NCKAP1L: variants seen among roughly 807,000 people sequenced by gnomAD.
NCKAP1L encodes NCK associated protein 1 like.
NCKAP1L carries 53 observed loss-of-function variants against 139.2 expected under a neutral mutation model. That is an observed-to-expected ratio of 0.38 (90% CI 0.31 to 0.48). The LOEUF (loss-of-function observed/expected upper bound fraction) is 0.48, where lower values mean the gene tolerates loss of function less well. NCKAP1L is among the 20% of genes least tolerant of loss of function. The probability of loss-of-function intolerance (pLI) is 0.98; values close to 1 mark genes in which losing one functional copy is unlikely to be tolerated. For missense variants in NCKAP1L, 1,151 were observed against 1,381.9 expected (o/e 0.83, Z 2.65); for synonymous variants, 468 against 499.7 (o/e 0.94, Z 0.85).
Position 54,518,695 on chromosome 12 carries a change from A to T in NCKAP1L, c.1383A>T (p.Ser461=). 1 of 1,614,050 alleles carries T rather than the reference A, an allele frequency of 6.2e-7. No individual in the cohort carries two copies. ...AGGAGGAGTCCATCATCATGTCCTC[A>T]TTCGTCAGTATCCTCTCCTCTCTGA... is the stretch of plus-strand genomic sequence containing the variant. ...CPEEESIIMS[S]FVSILSSLNL... is the part of the protein sequence containing the mutation. The change falls in exon 14 of 31, where the codon TCA becomes TCT. Residue 461 remains serine, a synonymous_variant. Coordinates refer to ENST00000293373, the MANE Select transcript of NCKAP1L (RefSeq NM_005337.5).
At chr12:54,500,862 A>G (rs1435057051) in intron 3 of NCKAP1L, 4 of 335,216 alleles carry the variant, frequency 1.2e-5, no homozygotes, top group Non-Finnish European at 2.2e-5. Flanking sequence ...ATATCTAGGA[A>G]AGATCTGGAC....
rs763680908 is a variant in NCKAP1L at position 54,536,246 on chromosome 12, G to GTAA, written c.3073+2_3073+4dup. On this transcript the variant is annotated splice_donor_variant, in intron 28 of 30. Transcript: ENST00000293373. LOFTEE classifies it high-confidence loss of function. ...TCCTTTTATAGCATTGAGAAGGATG[G>GTAA]TAAGTAAGGGGTAGGTTTGAGACAC... 6.3e-7 allele frequency: 1 copy of GTAA among 1,595,578 alleles called. No homozygotes were observed. The highest frequency in any genetic ancestry group is 1.1e-5 in the South Asian group (1 of 90,708).
chr12:54,515,439 G>A (rs1170594717), intron 9 of NCKAP1L, among the ~76,000 whole-genome samples: 1 of 152,158 alleles, frequency 6.6e-6, no homozygotes, highest in Non-Finnish European at 1.5e-5. Flanking sequence ...AAAGAGATGT[G>A]GTTAGGAGAA....
intron 21 of NCKAP1L, among the ~76,000 whole-genome samples, chr12:54,527,101 T>C (rs1957032722): frequency 6.6e-6 from 1 of 152,214 alleles, no homozygotes; most frequent in African/African-American, 2.4e-5. Flanking sequence ...TTTTTGCCCT[T>C]ACTTCTCCTT....
At chr12:54,522,206 G>T (rs1956989356) in intron 18 of NCKAP1L, among the ~76,000 whole-genome samples, 1 of 152,152 alleles carries the variant, frequency 6.6e-6, no homozygotes, top group African/African-American at 2.4e-5. Flanking sequence ...ATGTTTGAAA[G>T]AAATTTAAAT....
In NCKAP1L at chr12:54,500,526, C is replaced by T. The variant is rs769249820; in HGVS notation, c.214-7C>T. The T allele has an allele frequency of 4.4e-6, 7 of 1,597,632 alleles. No homozygotes were observed. The highest frequency in any genetic ancestry group is 2.2e-5 in the South Asian group (2 of 90,680). On this transcript the variant is annotated splice_polypyrimidine_tract_variant and splice_region_variant and intron_variant, in intron 2 of 30. Coordinates refer to ENST00000293373, the MANE Select transcript of NCKAP1L (RefSeq NM_005337.5). ...TTTTTTATTGTTTTGTTTTGTGTTTCTCTCAGCAACATTTAGGACCAGTAC... is the reference window on the plus strand; with the variant it reads ...TTTTTTATTGTTTTGTTTTGTGTTTTTCTCAGCAACATTTAGGACCAGTAC...
Position 54,544,088 on chromosome 12 carries a change from A to C in NCKAP1L, c.*1403A>C, listed in dbSNP as rs1480994301. ...TCTTAACTTGGCACCCATAATCAACATACAGATTTTTCTTAGCAACAGTTG... is the reference window on the plus strand; with the variant it reads ...TCTTAACTTGGCACCCATAATCAACCTACAGATTTTTCTTAGCAACAGTTG... On this transcript the variant is annotated 3_prime_UTR_variant, in exon 31 of 31. Coordinates refer to ENST00000293373, the MANE Select transcript of NCKAP1L (RefSeq NM_005337.5). The C allele has an allele frequency of 7.9e-5, 12 of 152,186 alleles. No homozygotes were observed. The highest frequency in any genetic ancestry group is 2.9e-4 in the African/African-American group (12 of 41,438). 9.4% of individuals were successfully genotyped at this position (152,186 alleles called of 1,614,324 possible). A position where few individuals can be genotyped will look rare whatever the true frequency, so the allele number is the denominator to read the frequency against.
intron 16 of NCKAP1L, 125 bp from the exon 17 acceptor site, chr12:54,520,569 T>C (rs754195657): frequency 7.5e-5 from 70 of 939,040 alleles, no homozygotes; most frequent in Non-Finnish European, 1.1e-4. Context: ...TTTGAAAGAA[T>C]GAATATCCTC....
At chr12:54,533,846 A>G (rs1282551360) in intron 26 of NCKAP1L, among the ~76,000 whole-genome samples, 1 of 152,258 alleles carries the variant, frequency 6.6e-6, no homozygotes, top group East Asian at 1.9e-4. Flanking sequence ...CTGGGATTAC[A>G]GGCATGAGCC....
intron 20 of NCKAP1L, among the ~76,000 whole-genome samples, chr12:54,524,893 C>G (rs1368282097): frequency 6.6e-6 from 1 of 152,008 alleles, no homozygotes; most frequent in Non-Finnish European, 1.5e-5. Flanking sequence ...CCAGGAAAGG[C>G]CTCTTTGAGA....
chr12:54,518,320 C>T (rs192813542), intron 13 of NCKAP1L, among the ~76,000 whole-genome samples: 82 of 151,068 alleles, frequency 5.4e-4, no homozygotes, highest in African/African-American at 1.8e-3. Context: ...CCAGCTTGGG[C>T]GACAGAGCGA....
In NCKAP1L at chr12:54,536,132, C is replaced by A. The variant is rs753704557; in HGVS notation, c.2960C>A (p.Thr987Asn). 1 of 1,609,086 alleles carries A rather than the reference C, an allele frequency of 6.2e-7. No individual in the cohort carries two copies. ...VAAIANLKADTSSPEEEYKVA... is the reference protein window; with the variant it reads ...VAAIANLKADNSSPEEEYKVA... Reference sequence around the variant, plus strand: ...TTTCCTTTTTCCCTCTCACCAGATACTTCATCTCCTGAGGAGGAATATAAG... The same window carrying A: ...TTTCCTTTTTCCCTCTCACCAGATAATTCATCTCCTGAGGAGGAATATAAG... Residue 987 changes from threonine (T) to asparagine (N), a missense_variant, in exon 28 of 31, where the codon ACT becomes AAT. By Grantham distance (65) the Thr-to-Asn change is moderately conservative (BLOSUM62 0). Transcript: ENST00000293373.
chr12:54,499,365 A>AC lies in NCKAP1L; in HGVS notation c.117dup (p.Lys40GlnfsTer3). On this transcript the variant is annotated frameshift_variant, in exon 2 of 31. Coordinates refer to ENST00000293373, the MANE Select transcript of NCKAP1L (RefSeq NM_005337.5). LOFTEE classifies it high-confidence loss of function. ...GGTTTCTCTCTGCAGACTTGTTCAGACCCCAAATCTAAGCCACCTTTCTTA... is the reference window on the plus strand; with the variant it reads ...GGTTTCTCTCTGCAGACTTGTTCAGACCCCCAAATCTAAGCCACCTTTCTTA... The AC allele has an allele frequency of 1.3e-6, 2 of 1,594,980 alleles. No homozygotes were observed. The highest frequency in any genetic ancestry group is 1.7e-6 in the Non-Finnish European group (2 of 1,162,690).
chr12:54,518,789 C>T (rs775735355), intron 14 of NCKAP1L, 57 bp downstream of exon 14: 100 of 1,538,792 alleles, frequency 6.5e-5, no homozygotes, highest in South Asian at 5.9e-4. Flanking sequence ...ATCTTTTATC[C>T]GGAAATATTG....
intron 4 of NCKAP1L, 57 bp from the exon 5 acceptor site, chr12:54,508,332 G>A: frequency 1.3e-6 from 2 of 1,574,288 alleles, no homozygotes; most frequent in Non-Finnish European, 1.7e-6. Context: ...GGGGAAAGAA[G>A]GAGATCCAGG....
At chr12:54,508,314 G>C in intron 4 of NCKAP1L, 75 bp from the exon 5 acceptor site, 1 of 1,413,362 alleles carries the variant, frequency 7.1e-7, no homozygotes. Context: ...GCACTGTCCA[G>C]AGTGGTTGGG....
chr12:54,505,450 T>C (rs996262542), intron 3 of NCKAP1L, among the ~76,000 whole-genome samples: 1 of 151,872 alleles, frequency 6.6e-6, no homozygotes, highest in African/African-American at 2.4e-5. Context: ...GTGCCTTTTT[T>C]TTTTTTTTTT....
Position 54,517,103 on chromosome 12 carries a change from T to C in NCKAP1L, c.1095+111T>C, listed in dbSNP as rs1956939454. On this transcript the variant is annotated intron_variant, in intron 11 of 30. Transcript: ENST00000293373. ...CTGAGTCTTTTGTCATTCATTTGTA[T>C]GTATATATGCGATTCCCTTGAACAT... The C allele has an allele frequency of 1.5e-5, 13 of 854,754 alleles. No individual in the cohort carries two copies. The South Asian group carries it at 1.6e-4, about 11-fold the overall frequency. 52.9% of individuals were successfully genotyped at this position (854,754 alleles called of 1,614,324 possible). A position where few individuals can be genotyped will look rare whatever the true frequency, so the allele number is the denominator to read the frequency against.
In NCKAP1L at chr12:54,547,593, T is replaced by A. The variant is rs1482791334; in HGVS notation, c.*4908T>A. 1 of 151,888 alleles carries A rather than the reference T, an allele frequency of 6.6e-6. No homozygotes were observed. Among genetic ancestry groups the A allele is most frequent in the Non-Finnish European group, 1.5e-5 (1 of 67,994 alleles). 9.4% of individuals were successfully genotyped at this position (151,888 alleles called of 1,614,324 possible). ...CTTGGGAGAGCAGGATGTGACACTGTGTTAACAAGAAATGTTGAGAGAGCC... is the reference window on the plus strand; with the variant it reads ...CTTGGGAGAGCAGGATGTGACACTGAGTTAACAAGAAATGTTGAGAGAGCC... On this transcript the variant is annotated 3_prime_UTR_variant, in exon 31 of 31. Coordinates refer to ENST00000293373, the MANE Select transcript of NCKAP1L (RefSeq NM_005337.5).
Sources: allele counts gnomAD v4.1 joint callset (sites outside exome capture counted in the v4.1 genomes callset), GRCh38; gene constraint gnomAD v4.1.1; transcripts MANE v1.5; gene names NCBI Gene and HGNC (gene_info 2026-07-23, HGNC 2026-07-21).